ELP2: variants seen among roughly 807,000 people sequenced by gnomAD.
The protein encoded by ELP2 is elongator acetyltransferase complex subunit 2.
ELP2 carries 90 observed loss-of-function variants against 119.2 expected under a neutral mutation model. That is an observed-to-expected ratio of 0.75 (90% CI 0.64 to 0.90). The LOEUF is 0.90. Ranked by LOEUF, ELP2 falls within the 40% of genes least tolerant of loss-of-function variation. ELP2 has a pLI of 0.00. For synonymous variants in ELP2, 339 were observed against 331.0 expected (o/e 1.02, Z -0.26); for missense variants, 921 against 967.8 (o/e 0.95, Z 0.64).
rs76287918 is a variant in ELP2 at position 36,130,844 on chromosome 18, C to T, written c.138+773C>T. On this transcript the variant is annotated intron_variant, in intron 1 of 21. Transcript: ENST00000358232. ...ACGCAGGAGATGGCTATATGTATTT[C>T]TGTTCATACGGCTTTATTAATTTGG... Among the ~76,000 whole-genome samples, 90 of 152,260 alleles carry T rather than the reference C, an allele frequency of 5.9e-4. 1 individual carries two copies. The East Asian group carries it at 0.012, about 20-fold the overall frequency.
At chr18:36,144,232 A>G (rs1272392412) in intron 8 of ELP2, among the ~76,000 whole-genome samples, 2 of 151,996 alleles carry the variant, frequency 1.3e-5, no homozygotes, top group East Asian at 1.9e-4. Flanking sequence ...ATTTTTTTCT[A>G]TTTTCATTAT....
At chr18:36,149,477 TG>T (rs1567995449) in intron 11 of ELP2, among the ~76,000 whole-genome samples, 26 of 102,482 alleles carry the variant, frequency 2.5e-4, no homozygotes, top group African/African-American at 5.1e-4. Context: ...CAGGGTTTTT[TG>T]TTTTGTTTTG....
At chr18:36,139,137 C>T (rs151288583) in intron 5 of ELP2, among the ~76,000 whole-genome samples, 61 of 152,196 alleles carry the variant, frequency 4.0e-4, no homozygotes, top group African/African-American at 1.4e-3. Context: ...ATCAAATATA[C>T]TGTGGATGTA....
chr18:36,154,217 G>A (rs185065956), intron 11 of ELP2, among the ~76,000 whole-genome samples: 1 of 152,082 alleles, frequency 6.6e-6, no homozygotes, highest in Non-Finnish European at 1.5e-5. Flanking sequence ...GTTCAAAAAG[G>A]TGCTCTGTGG....
At chr18:36,141,954 A>G (rs930267098) in intron 6 of ELP2, among the ~76,000 whole-genome samples, 1 of 152,122 alleles carries the variant, frequency 6.6e-6, no homozygotes, top group Non-Finnish European at 1.5e-5. Flanking sequence ...TCAGCCTCGC[A>G]AGGTATTAGG....
At chr18:36,169,738 C>T (rs1463688738) in intron 19 of ELP2, among the ~76,000 whole-genome samples, 1 of 152,098 alleles carries the variant, frequency 6.6e-6, no homozygotes, top group Non-Finnish European at 1.5e-5. Flanking sequence ...TGGGGAAGTG[C>T]ATGAGCCTAC....
At chr18:36,137,333 C>A (rs8086187) in intron 3 of ELP2, 26,251 of 152,160 alleles carry the variant, frequency 0.17, 3,014 homozygotes, top group East Asian at 0.39. Flanking sequence ...CACACCACTG[C>A]ACCTGGCTTA....
At chr18:36,144,110 T>A (rs900859814) in intron 8 of ELP2, among the ~76,000 whole-genome samples, 2 of 152,192 alleles carry the variant, frequency 1.3e-5, no homozygotes, top group Admixed American at 6.5e-5. Context: ...TGTTTTTTGT[T>A]ACTATTCTTG....
chr18:36,132,593 A>G (rs2089674849), intron 1 of ELP2, among the ~76,000 whole-genome samples: 1 of 152,200 alleles, frequency 6.6e-6, no homozygotes, highest in Admixed American at 6.5e-5. Context: ...TGTGTGAAGT[A>G]TGAGACCTCC....
chr18:36,170,321 T>G, intron 20 of ELP2, 125 bp downstream of exon 20: 4 of 1,309,210 alleles, frequency 3.1e-6, no homozygotes, highest in Non-Finnish European at 4.2e-6. Context: ...CTTTTTTTTT[T>G]TTTGTTTTGA....
intron 3 of ELP2, among the ~76,000 whole-genome samples, chr18:36,137,728 T>A (rs1433623148): frequency 1.4e-5 from 2 of 146,396 alleles, no homozygotes; most frequent in Non-Finnish European, 3.0e-5. Flanking sequence ...CATGAGTGGA[T>A]GCTAAAAGTA....
intron 1 of ELP2, among the ~76,000 whole-genome samples, chr18:36,131,271 G>T (rs1462452079): frequency 1.3e-5 from 2 of 152,200 alleles, no homozygotes; most frequent in African/African-American, 2.4e-5. Context: ...CCTCTTCCTG[G>T]TTTTTGTTTC....
Position 36,159,984 on chromosome 18 carries a change from C to T in ELP2, c.1657C>T (p.Gln553Ter), listed in dbSNP as rs1400164869. The change falls in exon 16 of 22, where the codon CAG becomes TAG. Residue 553 changes from glutamine to a stop codon, truncating the protein, a stop_gained. Coordinates refer to ENST00000358232, the MANE Select transcript of ELP2 (RefSeq NM_018255.4). LOFTEE classifies it high-confidence loss of function. ...GCCTCCCACTGAGGATCATCTTCTG[C>T]AGAATACTTTGTGGCCTGAAGTTCA... ...TEPPTEDHLL[Q>*]NTLWPEVQKL... The T allele has an allele frequency of 1.5e-5, 24 of 1,613,982 alleles. No individual in the cohort carries two copies. The highest frequency in any genetic ancestry group is 2.0e-5 in the Non-Finnish European group (24 of 1,180,020).
intron 12 of ELP2, 147 bp from the exon 13 acceptor site, chr18:36,156,319 A>G (rs2090570486): frequency 3.8e-6 from 3 of 781,806 alleles, no homozygotes; most frequent in African/African-American, 1.8e-5. Context: ...AATTTTTACC[A>G]ATACTGCCCA....
intron 8 of ELP2, among the ~76,000 whole-genome samples, chr18:36,143,337 G>A (rs1013845383): frequency 6.6e-6 from 1 of 151,470 alleles, no homozygotes; most frequent in Non-Finnish European, 1.5e-5. Context: ...AGCCAGGCTG[G>A]TCTCGAACTC....
At chr18:36,130,152 C>G in intron 1 of ELP2, 81 bp downstream of exon 1, 1 of 1,577,566 alleles carries the variant, frequency 6.3e-7, no homozygotes, top group South Asian at 1.1e-5. Context: ...CTGTTAGTTG[C>G]CGCCCCAGAC....
In ELP2 at chr18:36,135,026, A is replaced by G. The variant is rs1378529876; in HGVS notation, c.218-1281A>G. Among the ~76,000 whole-genome samples the G allele has an allele frequency of 2.6e-5, 4 of 152,354 alleles. No homozygotes were observed. The South Asian group carries it at 6.2e-4, about 24-fold the overall frequency. The stretch of plus-strand genomic sequence containing the variant: ...GTAGGATTAGTCACATGTTAGGTCA[A>G]TAAAAATCATTAAATGGTACAAGGG... On this transcript the variant is annotated intron_variant, in intron 2 of 21. Transcript: ENST00000358232.
At chr18:36,130,276 A>T (rs2089558437) in intron 1 of ELP2, among the ~76,000 whole-genome samples, 1 of 152,192 alleles carries the variant, frequency 6.6e-6, no homozygotes, top group African/African-American at 2.4e-5. Flanking sequence ...GCGTGGCGTC[A>T]TCCTAGGGTC....
chr18:36,159,709 A>T (rs1598807698), intron 14 of ELP2, 26 bp from the exon 15 acceptor site: 1 of 1,531,598 alleles, frequency 6.5e-7, no homozygotes, highest in Admixed American at 1.7e-5. Context: ...TAGTGACTAT[A>T]TTCTTGATGT....
Sources: allele counts gnomAD v4.1 joint callset (sites outside exome capture counted in the v4.1 genomes callset), GRCh38; gene constraint gnomAD v4.1.1; transcripts MANE v1.5; gene names NCBI Gene and HGNC (gene_info 2026-07-23, HGNC 2026-07-21).